The following NOX3 variants were observed in gnomAD, a reference collection of about 807,000 sequenced individuals.
NOX3 encodes the protein NADPH oxidase catalytic subunit-like 3.
NOX3 carries 74 observed loss-of-function variants against 76.7 expected under a neutral mutation model. The ratio of observed to expected loss-of-function variants is 0.96; its 90% CI spans 0.80 to 1.17. The LOEUF is 1.17. Ranked by LOEUF, NOX3 falls within the 50% of genes most tolerant of loss-of-function variation. The pLI is 0.00. For missense variants in NOX3, 695 were observed against 703.3 expected (o/e 0.99, Z 0.13); for synonymous variants, 263 against 261.1 (o/e 1.01, Z -0.07).
At position 155,395,585 on chromosome 6, in the gene NOX3, G is replaced by T. The variant is rs1462462176; in HGVS notation, c.*28-11C>A. The T allele has an allele frequency of 1.3e-5, 2 of 152,112 alleles. No individual in the cohort carries two copies. Among genetic ancestry groups the T allele is most frequent in the African/African-American group, 2.4e-5 (1 of 41,430 alleles). The allele number at this position is 152,112 out of a possible 1,614,324, so 9.4% of individuals were successfully genotyped here. A position where few individuals can be genotyped will look rare whatever the true frequency, so the allele number is the denominator to read the frequency against. ...AACTTGATTGAAAACCTAAACAAAA[G>T]ATTTGAGATATTATCAGTGAAATAT... is the stretch of plus-strand genomic sequence containing the variant. On this transcript the variant is annotated splice_polypyrimidine_tract_variant and intron_variant, in intron 13 of 13. Transcript: ENST00000159060.
intron 12 of NOX3, 125 bp from the exon 13 acceptor site, chr6:155,397,087 C>T (rs1025639010): frequency 6.7e-6 from 6 of 890,302 alleles, no homozygotes; most frequent in African/African-American, 5.1e-5. Flanking sequence ...CCCTCCATGT[C>T]GTTTTTTCTT....
At chr6:155,404,436 C>T (rs1250198718) in intron 12 of NOX3, among the ~76,000 whole-genome samples, 1 of 151,978 alleles carries the variant, frequency 6.6e-6, no homozygotes, top group East Asian at 1.9e-4. Flanking sequence ...GGATTCTAGG[C>T]CATATGTCAG....
At chr6:155,436,375 T>C in intron 7 of NOX3, 43 bp downstream of exon 7, 1 of 1,610,978 alleles carries the variant, frequency 6.2e-7, no homozygotes, top group South Asian at 1.1e-5. Flanking sequence ...GTATTTTAAC[T>C]GTGGTGACAT....
chr6:155,409,589 C>G (rs982178604), intron 11 of NOX3, among the ~76,000 whole-genome samples: 1 of 152,164 alleles, frequency 6.6e-6, no homozygotes, highest in African/African-American at 2.4e-5. Flanking sequence ...TTCCATCTGT[C>G]CCTTCTGTTC....
At chr6:155,410,296 A>AGTGTGTGT (rs142349696) in intron 11 of NOX3, among the ~76,000 whole-genome samples, 3,748 of 149,430 alleles carry the variant, frequency 0.025, 92 homozygotes, top group African/African-American at 0.059. Flanking sequence ...CTATAAGGCC[A>AGTGTGTGT]GTGTGTGTGT....
chr6:155,433,390 G>T (rs1459054008), intron 7 of NOX3, among the ~76,000 whole-genome samples: 2 of 152,178 alleles, frequency 1.3e-5, no homozygotes, highest in African/African-American at 4.8e-5. Context: ...AGGAGGCCTT[G>T]ATTCAGAGCA....
chr6:155,439,124 A>G (rs1174124683), intron 6 of NOX3, among the ~76,000 whole-genome samples: 1 of 152,152 alleles, frequency 6.6e-6, no homozygotes. Flanking sequence ...GGACAGCAGC[A>G]CCTTCTCTAC....
At chr6:155,449,912 A>AG (rs1179957257) in intron 4 of NOX3, among the ~76,000 whole-genome samples, 1 of 152,266 alleles carries the variant, frequency 6.6e-6, no homozygotes, top group African/African-American at 2.4e-5. Context: ...TGTGAAAAGC[A>AG]GAGGTGTTTG....
At chr6:155,443,213 A>C in intron 5 of NOX3, 60 bp downstream of exon 5, 1 of 1,540,162 alleles carries the variant, frequency 6.5e-7, no homozygotes, top group Non-Finnish European at 8.9e-7. Context: ...GTTCCTGATT[A>C]GAGGACTGGA....
At chr6:155,447,983 C>A (rs772823068) in intron 4 of NOX3, among the ~76,000 whole-genome samples, 2 of 152,176 alleles carry the variant, frequency 1.3e-5, no homozygotes, top group Non-Finnish European at 2.9e-5. Flanking sequence ...GTTACAGGGA[C>A]AAGGGCTACA....
chr6:155,416,814 A>G (rs1484295925), intron 10 of NOX3, among the ~76,000 whole-genome samples: 1 of 138,626 alleles, frequency 7.2e-6, no homozygotes, highest in Non-Finnish European at 1.5e-5. Flanking sequence ...GCAGTGGTGC[A>G]ATCTCAGTTC....
Position 155,411,896 on chromosome 6 carries a change from G to A in NOX3, c.1309-536C>T, listed in dbSNP as rs75441371. ...AAATTTCCTCTCAGTGAAACATATC[G>A]GTGTCCAAGAAAGCTGGTGGGTGGC... On this transcript the variant is annotated intron_variant, in intron 10 of 13. Coordinates refer to ENST00000159060, the MANE Select transcript of NOX3 (RefSeq NM_015718.3). Among the ~76,000 whole-genome samples, 1,817 of 152,180 alleles carry A rather than the reference G, an allele frequency of 0.012. 75 individuals carry two copies. The East Asian group carries it at 0.15, about 12-fold the overall frequency.
chr6:155,400,641 CTTT>C (rs5881132), intron 12 of NOX3, among the ~76,000 whole-genome samples: 14 of 146,082 alleles, frequency 9.6e-5, no homozygotes, highest in Non-Finnish European at 7.5e-5. Context: ...TGCTGGCCAG[CTTT>C]TTTTTTTTTT....
intron 12 of NOX3, among the ~76,000 whole-genome samples, chr6:155,402,969 C>T (rs753112072): frequency 2.0e-5 from 3 of 152,156 alleles, no homozygotes; most frequent in Non-Finnish European, 4.4e-5. Flanking sequence ...AGTAGCCAGG[C>T]AGGCTTGGGA....
chr6:155,442,137 G>A (rs1291074463), intron 5 of NOX3, among the ~76,000 whole-genome samples: 1 of 152,112 alleles, frequency 6.6e-6, no homozygotes, highest in Non-Finnish European at 1.5e-5. Flanking sequence ...GGTGGCGGGT[G>A]CCTATAGTCC....
chr6:155,411,075 T>C, intron 11 of NOX3, 139 bp downstream of exon 11: 1 of 632,004 alleles, frequency 1.6e-6, no homozygotes, highest in East Asian at 3.2e-5. Context: ...GGTTTTATTT[T>C]ATTCTCCTTT....
intron 4 of NOX3, among the ~76,000 whole-genome samples, chr6:155,446,201 C>T (rs369633764): frequency 1.3e-5 from 2 of 151,780 alleles, no homozygotes; most frequent in African/African-American, 2.4e-5. Flanking sequence ...AATATACAGC[C>T]ATGTCTATGA....
intron 12 of NOX3, among the ~76,000 whole-genome samples, chr6:155,401,790 CAAAAAAA>C (rs5881135): frequency 1.0e-5 from 1 of 99,352 alleles, no homozygotes; most frequent in Non-Finnish European, 2.4e-5. Context: ...ACTGAAATTA[CAAAAAAA>C]AAAAAAAAAA....
chr6:155,454,740 AT>A (rs764119618), intron 3 of NOX3, 70 bp downstream of exon 3: 95 of 888,702 alleles, frequency 1.1e-4, no homozygotes, highest in Non-Finnish European at 1.2e-4. Flanking sequence ...AATAAAGTAC[AT>A]TTTTTTTCAA....
Sources: allele counts gnomAD v4.1 joint callset (sites outside exome capture counted in the v4.1 genomes callset), GRCh38; gene constraint gnomAD v4.1.1; transcripts MANE v1.5; gene names NCBI Gene and HGNC (gene_info 2026-07-23, HGNC 2026-07-21).